The following CSDE1 variants were observed in gnomAD, a reference collection of about 807,000 sequenced individuals.
The protein encoded by CSDE1 is cold shock domain containing E1, also known as cold shock domain-containing protein E1.
CSDE1 carries 17 observed loss-of-function variants against 89.3 expected under a neutral mutation model. The observed-to-expected ratio is 0.19, with a 90% CI of 0.13 to 0.29. The LOEUF (loss-of-function observed/expected upper bound fraction) is 0.29, where lower values mean the gene tolerates loss of function less well. Ranked by LOEUF, CSDE1 falls within the 10% of genes least tolerant of loss-of-function variation. The pLI is 1.00. For synonymous variants in CSDE1, 322 were observed against 332.8 expected, an observed-to-expected ratio of 0.97 and a Z score of 0.35; for missense variants, 672 against 984.2, an observed-to-expected ratio of 0.68 and a Z score of 4.24.
At chr1:114,731,407 AT>A (rs1660091124) in intron 10 of CSDE1, among the ~76,000 whole-genome samples, 1 of 151,884 alleles carries the variant, frequency 6.6e-6, no homozygotes, top group African/African-American at 2.4e-5. Context: ...AAAAAAAAAA[AT>A]CACACATTCA....
intron 16 of CSDE1, among the ~76,000 whole-genome samples, chr1:114,723,001 T>C (rs1201899434): frequency 6.6e-6 from 1 of 152,164 alleles, no homozygotes; most frequent in East Asian, 1.9e-4. Flanking sequence ...GCCATCATCT[T>C]TTCTTTTTAA....
intron 12 of CSDE1, 151 bp from the exon 13 acceptor site, chr1:114,727,241 G>T: frequency 1.7e-6 from 1 of 583,754 alleles, no homozygotes; most frequent in Non-Finnish European, 3.0e-6. Flanking sequence ...TTATTCATAT[G>T]AATAAAAGGT....
intron 1 of CSDE1, among the ~76,000 whole-genome samples, chr1:114,750,441 G>A (rs532915210): frequency 2.0e-5 from 3 of 151,950 alleles, no homozygotes; most frequent in Non-Finnish European, 4.4e-5. Flanking sequence ...AGTCTTTATT[G>A]ACCTCTTCCC....
intron 2 of CSDE1, chr1:114,747,006 A>C (rs1227777357): frequency 1.3e-5 from 2 of 152,146 alleles, no homozygotes; most frequent in Non-Finnish European, 2.9e-5. Context: ...TTGCTTTGCT[A>C]TGTTTCAAGT....
chr1:114,755,907 A>C (rs921717927), intron 1 of CSDE1, among the ~76,000 whole-genome samples: 35 of 152,324 alleles, frequency 2.3e-4, no homozygotes, highest in East Asian at 1.9e-4. Context: ...GTTTCAATAG[A>C]CTTAGTGCCA....
At chr1:114,734,949 A>C (rs1438542463) in intron 6 of CSDE1, among the ~76,000 whole-genome samples, 1 of 152,210 alleles carries the variant, frequency 6.6e-6, no homozygotes, top group Non-Finnish European at 1.5e-5. Context: ...ATCTGCGGCA[A>C]AGTAAGGTAC....
intron 16 of CSDE1, among the ~76,000 whole-genome samples, chr1:114,721,989 C>T (rs555984238): frequency 6.6e-6 from 1 of 151,226 alleles, no homozygotes; most frequent in African/African-American, 2.4e-5. Context: ...TCAAGTGATT[C>T]TCCTGCCTCA....
intron 15 of CSDE1, 64 bp from the exon 16 acceptor site, chr1:114,724,066 T>A: frequency 5.8e-6 from 9 of 1,538,912 alleles, no homozygotes; most frequent in African/African-American, 4.1e-5. Context: ...GAAAGACAAG[T>A]AAGCAAAAAA....
At chr1:114,743,694 AAAGCTAGCATTTT>A (rs1290097627) in intron 2 of CSDE1, among the ~76,000 whole-genome samples, 26 of 152,328 alleles carry the variant, frequency 1.7e-4, no homozygotes, top group South Asian at 1.7e-3. Context: ...AGAAAGCATC[AAAGCTAGCATTTT>A]AAGACTCTAA....
chr1:114,727,181 A>G (rs1328859559), intron 12 of CSDE1, 91 bp from the exon 13 acceptor site: 1 of 862,526 alleles, frequency 1.2e-6, no homozygotes, highest in Non-Finnish European at 1.9e-6. Context: ...TCTTGTGCCA[A>G]AGGATTGGTA....
chr1:114,735,142 T>C (rs568825755), intron 6 of CSDE1, among the ~76,000 whole-genome samples: 3 of 152,178 alleles, frequency 2.0e-5, no homozygotes, highest in Admixed American at 2.0e-4. Context: ...TGGAAACAAG[T>C]TAGAGACACC....
At chr1:114,724,175 T>G in intron 15 of CSDE1, 173 bp from the exon 16 acceptor site, 1 of 514,740 alleles carries the variant, frequency 1.9e-6, no homozygotes, top group South Asian at 2.8e-5. Context: ...CTGCTGGACT[T>G]TAAATACTTC....
At chr1:114,730,212 G>A in intron 12 of CSDE1, 46 bp downstream of exon 12, 2 of 1,588,534 alleles carry the variant, frequency 1.3e-6, no homozygotes, top group South Asian at 1.1e-5. Flanking sequence ...TAAAGCAGAA[G>A]AGAAATAAAC....
Position 114,749,127 on chromosome 1 carries a change from G to C in CSDE1, c.-1+694C>G, listed in dbSNP as rs181224509. On this transcript the variant is annotated intron_variant, in intron 2 of 19. Coordinates refer to ENST00000358528, the MANE Select transcript of CSDE1 (RefSeq NM_001007553.3). ...CAATGTCTCTTCTACCTCTTAACAA[G>C]GTACTACTCACCTTCAAATATCCCT... is the stretch of plus-strand genomic sequence containing the variant. Among the ~76,000 whole-genome samples the C allele has an allele frequency of 5.9e-5, 9 of 152,222 alleles. No individual in the cohort carries two copies. The South Asian group carries it at 1.9e-3, about 32-fold the overall frequency.
chr1:114,721,884 C>CT (rs77950889), intron 16 of CSDE1, among the ~76,000 whole-genome samples: 1,412 of 128,138 alleles, frequency 0.011, 18 homozygotes, highest in African/African-American at 0.026. Flanking sequence ...CCACACCTGA[C>CT]TTTTTTTTTT....
At chr1:114,752,369 TAAAC>T (rs904837002) in intron 1 of CSDE1, among the ~76,000 whole-genome samples, 5 of 151,878 alleles carry the variant, frequency 3.3e-5, no homozygotes, top group East Asian at 3.9e-4. Flanking sequence ...CCAGCAACCT[TAAAC>T]AAACAAACAA....
Position 114,723,921 on chromosome 1 carries a change from T to TA in CSDE1, c.1834_1835insT (p.Gln612LeufsTer3). 6.2e-7 allele frequency: 1 copy of TA among 1,614,110 alleles called. No homozygotes were observed. The highest frequency in any genetic ancestry group is 8.5e-7 in the Non-Finnish European group (1 of 1,179,942). Reference sequence around the variant, plus strand: ...CTCAATCATTCCTTGGTACTCAGTCTGTGTTGGATCAACACTCCTCAGGGG... The same window carrying TA: ...CTCAATCATTCCTTGGTACTCAGTCTAGTGTTGGATCAACACTCCTCAGGGG... On this transcript the variant is annotated frameshift_variant, in exon 16 of 20. Coordinates refer to ENST00000358528, the MANE Select transcript of CSDE1 (RefSeq NM_001007553.3). LOFTEE classifies it high-confidence loss of function.
At chr1:114,750,977 C>T (rs561456429) in intron 1 of CSDE1, among the ~76,000 whole-genome samples, 51 of 152,322 alleles carry the variant, frequency 3.3e-4, no homozygotes, top group Admixed American at 1.5e-3. Flanking sequence ...AATCAACAGG[C>T]TAGCCTGGCT....
intron 18 of CSDE1, 101 bp from the exon 19 acceptor site, chr1:114,718,846 C>T (rs1432515456): frequency 8.4e-6 from 11 of 1,317,114 alleles, no homozygotes; most frequent in African/African-American, 1.5e-5. Context: ...AAATGACTCA[C>T]TTTTTATGAT....
Sources: allele counts gnomAD v4.1 joint callset (sites outside exome capture counted in the v4.1 genomes callset), GRCh38; gene constraint gnomAD v4.1.1; transcripts MANE v1.5; gene names NCBI Gene and HGNC (gene_info 2026-07-23, HGNC 2026-07-21).